Variants in ENTREP2 observed in about 807,000 individuals in gnomAD.
The protein encoded by ENTREP2 is protein ENTREP2.
At chr15:29,429,152 T>C in the ENTREP2 span, among the ~76,000 whole-genome samples, 2 of 146,664 alleles carry the variant, frequency 1.4e-5, no homozygotes, top group East Asian at 2.3e-4. Flanking sequence ...GATGTCTATC[T>C]GTCCATCCAT....
At chr15:29,657,038 T>C in the ENTREP2 span, among the ~76,000 whole-genome samples, 1 of 152,074 alleles carries the variant, frequency 6.6e-6, no homozygotes, top group African/African-American at 2.4e-5. Context: ...CGGGCCTTCG[T>C]GGTGAGTGTT....
At chr15:29,368,760 T>TC in the ENTREP2 span, among the ~76,000 whole-genome samples, 3 of 151,372 alleles carry the variant, frequency 2.0e-5, no homozygotes, top group African/African-American at 7.3e-5. Context: ...ACCTGTAATC[T>TC]CAGCTACTCA....
At chr15:29,628,627 C>T in the ENTREP2 span, among the ~76,000 whole-genome samples, 788 of 152,268 alleles carry the variant, frequency 5.2e-3, 5 homozygotes, top group African/African-American at 0.018. Context: ...AGTACCCAAC[C>T]ATAATTGGGG....
the ENTREP2 span, among the ~76,000 whole-genome samples, chr15:29,425,959 G>A: frequency 6.7e-6 from 1 of 150,120 alleles, no homozygotes; most frequent in African/African-American, 2.4e-5. Flanking sequence ...AATGCTTCCT[G>A]TTTATCTTTA....
chr15:29,613,450 C>G, the ENTREP2 span: 1 of 449,918 alleles, frequency 2.2e-6, no homozygotes, highest in Middle Eastern at 3.6e-4. Context: ...GGTGAGGGCA[C>G]AGGCTCTGGA....
the ENTREP2 span, among the ~76,000 whole-genome samples, chr15:29,517,537 C>CT: frequency 6.6e-6 from 1 of 152,140 alleles, no homozygotes; most frequent in Non-Finnish European, 1.5e-5. Flanking sequence ...AAAAAGGACT[C>CT]TAACCACTTA....
chr15:29,662,417 C>T, the ENTREP2 span, among the ~76,000 whole-genome samples: 1 of 151,898 alleles, frequency 6.6e-6, no homozygotes, highest in Non-Finnish European at 1.5e-5. Flanking sequence ...GAAGATTTTC[C>T]CCAAATAAAA....
the ENTREP2 span, among the ~76,000 whole-genome samples, chr15:29,125,380 C>T: frequency 1.3e-5 from 2 of 152,188 alleles, no homozygotes; most frequent in Non-Finnish European, 2.9e-5. Context: ...ACAGAGATGA[C>T]CGCAGCCAGG....
chr15:29,391,352 T>C, the ENTREP2 span, among the ~76,000 whole-genome samples: 2 of 152,134 alleles, frequency 1.3e-5, no homozygotes, highest in East Asian at 1.9e-4. Flanking sequence ...ACACTCATAA[T>C]GTCCCTGAGA....
the ENTREP2 span, among the ~76,000 whole-genome samples, chr15:29,432,167 G>C: frequency 6.6e-6 from 1 of 152,162 alleles, no homozygotes; most frequent in Admixed American, 6.5e-5. Context: ...TAATTCAAAA[G>C]ACTTCTGCTC....
chr15:29,598,888 G>T, the ENTREP2 span, among the ~76,000 whole-genome samples: 2 of 152,100 alleles, frequency 1.3e-5, no homozygotes, highest in Non-Finnish European at 2.9e-5. Flanking sequence ...AGTAGAGACG[G>T]GGTTTCACCG....
the ENTREP2 span, among the ~76,000 whole-genome samples, chr15:29,125,306 G>A: frequency 6.6e-6 from 1 of 152,190 alleles, no homozygotes; most frequent in African/African-American, 2.4e-5. Flanking sequence ...AGAGGGGGGT[G>A]TTTCAGAAGG....
the ENTREP2 span, among the ~76,000 whole-genome samples, chr15:29,473,990 T>C: frequency 6.6e-6 from 1 of 152,198 alleles, no homozygotes; most frequent in East Asian, 1.9e-4. Flanking sequence ...GCACTGAACC[T>C]AGCCATGGAT....
the ENTREP2 span, among the ~76,000 whole-genome samples, chr15:29,243,529 GA>G: frequency 5.9e-5 from 9 of 152,112 alleles, no homozygotes; most frequent in South Asian, 4.2e-4. Context: ...ATAAAAGGGG[GA>G]AAATTAACAA....
chr15:29,441,146 C>G, the ENTREP2 span, among the ~76,000 whole-genome samples: 3 of 152,222 alleles, frequency 2.0e-5, no homozygotes, highest in African/African-American at 7.2e-5. Flanking sequence ...AAAGGAAATT[C>G]AGACACATGC....
At chr15:29,488,705 C>T in the ENTREP2 span, among the ~76,000 whole-genome samples, 18 of 152,120 alleles carry the variant, frequency 1.2e-4, no homozygotes, top group Non-Finnish European at 1.6e-4. Context: ...ACAAGGGATC[C>T]TCAATCAGAT....
chr15:29,128,901 C>A, the ENTREP2 span: 2 of 1,475,116 alleles, frequency 1.4e-6, no homozygotes, highest in African/African-American at 2.8e-5. Context: ...GGCGGCTGGT[C>A]CGTGGGAACG....
the ENTREP2 span, among the ~76,000 whole-genome samples, chr15:29,419,695 G>A: frequency 6.6e-6 from 1 of 152,144 alleles, no homozygotes; most frequent in East Asian, 1.9e-4. Flanking sequence ...CAGCAAAGGA[G>A]CAGATCTGGA....
the ENTREP2 span, among the ~76,000 whole-genome samples, chr15:29,651,362 T>C: frequency 6.6e-6 from 1 of 152,208 alleles, no homozygotes; most frequent in Admixed American, 6.5e-5. Context: ...ATTGGAAATA[T>C]TCTCTAGAGA....
Sources: gnomAD v4.1 joint callset for allele counts (sites outside exome capture counted in the v4.1 genomes callset) on GRCh38, gnomAD v4.1.1 for gene constraint, MANE v1.5 for transcripts, NCBI Gene and HGNC (gene_info 2026-07-23, HGNC 2026-07-21) for gene names.